Variants in EML6 observed in about 807,000 individuals in gnomAD.
EML6 encodes the protein echinoderm microtubule-associated protein-like 6.
A neutral mutation model predicts 240.1 loss-of-function variants in EML6; 154 were observed. That is an observed-to-expected ratio of 0.64 (90% CI 0.56 to 0.73). The LOEUF (loss-of-function observed/expected upper bound fraction) is 0.73. EML6 is among the 30% of genes least tolerant of loss of function. The probability of loss-of-function intolerance (pLI) is 0.00; values close to 1 mark genes in which losing one functional copy is unlikely to be tolerated. For missense variants in EML6, 2,964 were observed against 2,474.6 expected, an observed-to-expected ratio of 1.20 and a Z score of -4.20; for synonymous variants, 1,148 against 899.0, an observed-to-expected ratio of 1.28 and a Z score of -4.95.
At chr2:54,844,559 C>T (rs951828620) in intron 8 of EML6, among the ~76,000 whole-genome samples, 6 of 152,164 alleles carry the variant, frequency 3.9e-5, no homozygotes, top group Non-Finnish European at 8.8e-5. Context: ...ACCATATTGT[C>T]CCCTCGTGCC....
chr2:54,839,634 G>T (rs1246618804), intron 7 of EML6, among the ~76,000 whole-genome samples: 1 of 152,238 alleles, frequency 6.6e-6, no homozygotes, highest in Non-Finnish European at 1.5e-5. Flanking sequence ...GGTTAGTTCA[G>T]TGGAACCCTT....
In EML6 at chr2:54,741,637, C is replaced by G. The variant is rs1037462915; in HGVS notation, c.197+16379C>G. ...CCTGGGGCAGTGAAAGCACAAGATA[C>G]ATCTGGAATATCTTCTTGTGCTAGA... is the stretch of plus-strand genomic sequence containing the variant. On this transcript the variant is annotated intron_variant, in intron 2 of 41. Coordinates refer to ENST00000356458, the MANE Select transcript of EML6 (RefSeq NM_001039753.4). Among the ~76,000 whole-genome samples the G allele has an allele frequency of 2.6e-5, 4 of 152,126 alleles. No individual in the cohort carries two copies. In the East Asian group the frequency reaches 7.7e-4, roughly 29 times the overall value.
chr2:54,865,592 T>C (rs757545886), intron 13 of EML6, among the ~76,000 whole-genome samples: 2 of 152,254 alleles, frequency 1.3e-5, no homozygotes, highest in African/African-American at 4.8e-5. Context: ...ACTGGTTTGA[T>C]GCTCAAAGGA....
chr2:54,849,767 C>G (rs149743490), intron 9 of EML6, among the ~76,000 whole-genome samples, 195 bp from the exon 10 acceptor site: 2 of 152,212 alleles, frequency 1.3e-5, no homozygotes, highest in Admixed American at 6.5e-5. Context: ...GGATTACAGG[C>G]GTAAGCCACC....
intron 2 of EML6, among the ~76,000 whole-genome samples, chr2:54,793,062 G>C (rs1028757559): frequency 7.2e-5 from 11 of 152,198 alleles, no homozygotes; most frequent in African/African-American, 2.7e-4. Context: ...GAGGCCAGGA[G>C]TTTGAGACCA....
chr2:54,903,129 C>T lies in EML6; in HGVS notation c.3210C>T (p.Asp1070=), dbSNP rs374892659. The T allele has an allele frequency of 9.0e-6, 14 of 1,551,672 alleles. No individual in the cohort carries two copies. In the African/African-American group the frequency reaches 1.2e-4, roughly 14 times the overall value. The stretch of plus-strand genomic sequence containing the variant: ...GGAGTTTCCTGGTGGTAAATGCTGA[C>T]ACTGTTGAAGACATGGTCTCTTTCC... ...NDGSFLVVNA[D]TVEDMVSFHH... Residue 1070 remains aspartate (D), a synonymous_variant, in exon 23 of 42, where the codon GAC becomes GAT. Transcript: ENST00000356458.
At chr2:54,957,658 G>A in intron 32 of EML6, 132 bp from the exon 33 acceptor site, 1 of 765,180 alleles carries the variant, frequency 1.3e-6, no homozygotes, top group South Asian at 1.7e-5. Context: ...GTGTCTGAAG[G>A]GGAGAGAGTG....
intron 2 of EML6, among the ~76,000 whole-genome samples, chr2:54,797,459 A>C (rs113526466): frequency 0.012 from 1,898 of 152,322 alleles, 23 homozygotes; most frequent in Middle Eastern, 0.041. Context: ...TCATGATTTC[A>C]TACACAGGTA....
At chr2:54,930,980 C>T (rs1294697561) in intron 28 of EML6, among the ~76,000 whole-genome samples, 3 of 111,194 alleles carry the variant, frequency 2.7e-5, no homozygotes, top group South Asian at 3.1e-4. Context: ...TTTTTTGAGA[C>T]GGAGTCTCGC....
intron 5 of EML6, among the ~76,000 whole-genome samples, chr2:54,821,421 G>A (rs1470684601): frequency 2.0e-5 from 3 of 152,120 alleles, no homozygotes; most frequent in Non-Finnish European, 4.4e-5. Context: ...TGACAATGTT[G>A]ATTCTGGACA....
At chr2:54,937,326 G>T (rs1368960233) in intron 28 of EML6, among the ~76,000 whole-genome samples, 3 of 150,822 alleles carry the variant, frequency 2.0e-5, no homozygotes, top group Non-Finnish European at 3.0e-5. Context: ...GGGGCAAGCC[G>T]GTTATCCCAG....
intron 24 of EML6, among the ~76,000 whole-genome samples, chr2:54,910,596 A>G (rs1324787948): frequency 6.6e-6 from 1 of 152,180 alleles, no homozygotes; most frequent in African/African-American, 2.4e-5. Flanking sequence ...TCTTGCCAAC[A>G]CAGTTTGCTG....
chr2:54,928,710 C>T lies in EML6; in HGVS notation c.3963C>T (p.Thr1321=), dbSNP rs202210345. 1 of 1,551,588 alleles carries T rather than the reference C, an allele frequency of 6.4e-7. No homozygotes were observed. The change falls in exon 28 of 42, where the codon ACC becomes ACT. Residue 1321 remains threonine (T), a synonymous_variant. Coordinates refer to ENST00000356458, the MANE Select transcript of EML6 (RefSeq NM_001039753.4). Reference sequence around the variant, plus strand: ...TGAGCATCAGGGAAATGGAAGGCACCAAGCCACACCAGCAGCTGAAGGAAG... The same window carrying T: ...TGAGCATCAGGGAAATGGAAGGCACTAAGCCACACCAGCAGCTGAAGGAAG... ...YAVSIREMEG[T]KPHQQLKEVS... is the part of the protein sequence containing the mutation.
Position 54,928,531 on chromosome 2 carries a change from C to A in EML6, c.3877+17C>A, listed in dbSNP as rs2104389617. 1 of 1,544,826 alleles carries A rather than the reference C, an allele frequency of 6.5e-7. No individual in the cohort carries two copies. Among genetic ancestry groups the A allele is most frequent in the Non-Finnish European group, 8.8e-7 (1 of 1,142,090 alleles). On this transcript the variant is annotated intron_variant, in intron 27 of 41. Transcript: ENST00000356458. ...AGGATGGAGGTGAGCCCCCCACCTG[C>A]CACATGCCTCCTGCGCCGAATGCAC...
chr2:54,956,417 T>C (rs114563851), intron 32 of EML6, among the ~76,000 whole-genome samples: 5 of 152,276 alleles, frequency 3.3e-5, no homozygotes, highest in Non-Finnish European at 7.4e-5. Flanking sequence ...CTTTTACTTA[T>C]AATTTGTAGT....
intron 16 of EML6, among the ~76,000 whole-genome samples, chr2:54,873,022 T>C (rs1391200516): frequency 6.6e-6 from 1 of 152,210 alleles, no homozygotes; most frequent in Non-Finnish European, 1.5e-5. Flanking sequence ...ACTGCACATG[T>C]CATATTGCTG....
intron 2 of EML6, among the ~76,000 whole-genome samples, chr2:54,791,520 G>C (rs1467620680): frequency 6.6e-6 from 1 of 152,202 alleles, no homozygotes; most frequent in East Asian, 1.9e-4. Context: ...CCCTGAAGTT[G>C]ATCAGTTTGT....
At chr2:54,854,192 T>G (rs535978209) in intron 11 of EML6, among the ~76,000 whole-genome samples, 9 of 152,350 alleles carry the variant, frequency 5.9e-5, no homozygotes, top group African/African-American at 2.2e-4. Flanking sequence ...TAAAATTCTT[T>G]TATGATTCAG....
intron 7 of EML6, among the ~76,000 whole-genome samples, chr2:54,838,271 C>G (rs187057018): frequency 1.3e-5 from 2 of 152,170 alleles, no homozygotes; most frequent in African/African-American, 2.4e-5. Flanking sequence ...AGATCCTGAC[C>G]TAGCACAAAA....
Sources: gnomAD v4.1 joint callset for allele counts (sites outside exome capture counted in the v4.1 genomes callset) on GRCh38, gnomAD v4.1.1 for gene constraint, MANE v1.5 for transcripts, NCBI Gene and HGNC (gene_info 2026-07-23, HGNC 2026-07-21) for gene names.